PINX1: variants seen among roughly 807,000 people sequenced by gnomAD.
The protein encoded by PINX1 is PIN2 (TERF1) interacting telomerase inhibitor 1.
Under a neutral mutation model 25.4 loss-of-function variants are expected in PINX1, and 34 were observed. The observed-to-expected ratio is 1.34, with a 90% CI of 1.02 to 1.78. The LOEUF (loss-of-function observed/expected upper bound fraction) is 1.78. Ranked by LOEUF, PINX1 falls within the 40% of genes most tolerant of loss-of-function variation. The probability of loss-of-function intolerance (pLI) is 0.00; values close to 1 mark genes in which losing one functional copy is unlikely to be tolerated. For synonymous variants in PINX1, 197 were observed against 147.7 expected (o/e 1.33, Z -2.42); for missense variants, 592 against 404.9 (o/e 1.46, Z -3.97).
chr8:10,765,485 C>G lies in PINX1; in HGVS notation c.903G>C (p.Lys301Asn), dbSNP rs1001223213. The G allele has an allele frequency of 2.5e-6, 4 of 1,613,554 alleles. No homozygotes were observed. The highest frequency in any genetic ancestry group is 2.5e-6 in the Non-Finnish European group (3 of 1,179,878). ...LKPKKRRGKK[K>N]LQKPVEIAED... ...CTGCTATCTCTACTGGTTTTTGCAG[C>G]TTTTTCTTCCCTCTCCTCTTTTTGG... Residue 301 changes from lysine (K) to asparagine (N), a missense_variant, in exon 7 of 7, where the codon AAG becomes AAC. Coordinates refer to ENST00000314787, the MANE Select transcript of PINX1 (RefSeq NM_017884.6).
chr8:10,769,216 G>A (rs1471482631), intron 6 of PINX1, among the ~76,000 whole-genome samples: 1 of 152,080 alleles, frequency 6.6e-6, no homozygotes, highest in Non-Finnish European at 1.5e-5. Flanking sequence ...AAATTCCAAT[G>A]CTTGCTGTTC....
intron 6 of PINX1, among the ~76,000 whole-genome samples, chr8:10,768,959 C>T (rs1250053993): frequency 1.3e-5 from 2 of 152,154 alleles, no homozygotes; most frequent in Non-Finnish European, 2.9e-5. Flanking sequence ...CATTTTCCCA[C>T]ATTTCCATTA....
At chr8:10,771,049 T>A (rs967288451) in intron 6 of PINX1, 7 of 152,202 alleles carry the variant, frequency 4.6e-5, no homozygotes, top group African/African-American at 1.7e-4. Context: ...ACAGCCTGTC[T>A]GTCATCAGCC....
chr8:10,803,836 C>G (rs905611180), intron 6 of PINX1, among the ~76,000 whole-genome samples: 5 of 152,180 alleles, frequency 3.3e-5, no homozygotes, highest in African/African-American at 1.2e-4. Context: ...TTTTGTATAA[C>G]TCTTAGTATA....
chr8:10,808,337 C>T (rs714370), intron 6 of PINX1, among the ~76,000 whole-genome samples: 24,376 of 152,142 alleles, frequency 0.16, 2,449 homozygotes, highest in Non-Finnish European at 0.23. Context: ...ATTGAAAGTG[C>T]TGTAGGGAGG....
intron 6 of PINX1, among the ~76,000 whole-genome samples, chr8:10,780,386 T>C (rs1030691202): frequency 6.6e-6 from 1 of 152,180 alleles, no homozygotes; most frequent in African/African-American, 2.4e-5. Flanking sequence ...TTGAGAAATT[T>C]TCTTTCTGTA....
At chr8:10,782,923 A>G (rs1353512535) in intron 6 of PINX1, among the ~76,000 whole-genome samples, 1 of 152,242 alleles carries the variant, frequency 6.6e-6, no homozygotes, top group South Asian at 2.1e-4. Flanking sequence ...ATTGCTAAAT[A>G]AAGGATATAA....
intron 6 of PINX1, among the ~76,000 whole-genome samples, chr8:10,800,355 T>A (rs937067035): frequency 1.3e-5 from 2 of 152,212 alleles, no homozygotes; most frequent in African/African-American, 2.4e-5. Context: ...CAATGATAAT[T>A]ATTTTGCGAT....
At chr8:10,794,912 G>T in intron 6 of PINX1, among the ~76,000 whole-genome samples, 1 of 152,146 alleles carries the variant, frequency 6.6e-6, no homozygotes. Context: ...TTTATTCAGG[G>T]CAAGCTTCCC....
At chr8:10,766,000 C>T in intron 6 of PINX1, 84 bp from the exon 7 acceptor site, 1 of 1,376,340 alleles carries the variant, frequency 7.3e-7, no homozygotes, top group Non-Finnish European at 1.0e-6. Context: ...ACACCCGGCG[C>T]TCACACCTGG....
At chr8:10,834,940 C>A (rs1419848609) in intron 1 of PINX1, among the ~76,000 whole-genome samples, 165 bp from the exon 2 acceptor site, 1 of 152,210 alleles carries the variant, frequency 6.6e-6, no homozygotes, top group East Asian at 1.9e-4. Context: ...TAGACTGGAT[C>A]ATTTATCCTG....
chr8:10,825,757 G>T (rs1019353369), intron 5 of PINX1, among the ~76,000 whole-genome samples: 1 of 152,162 alleles, frequency 6.6e-6, no homozygotes, highest in East Asian at 1.9e-4. Flanking sequence ...CTAACCTGGC[G>T]TATTAAAAGC....
chr8:10,793,138 G>A (rs946659082), intron 6 of PINX1, among the ~76,000 whole-genome samples: 13 of 152,152 alleles, frequency 8.5e-5, no homozygotes, highest in African/African-American at 2.9e-4. Context: ...ATGATCTTCC[G>A]CTTGAGGTGC....
chr8:10,834,767 TC>T lies in PINX1; in HGVS notation c.27del (p.Lys10SerfsTer25). ...TGAGGATCCACAGCCCACTTCTGCT[TC>T]CGCCGACCTGTAAATGAAAAAGCAT... MSMLAERRRKQKWAVDPQN... is the reference protein window; with the variant it reads MSMLAERRXKQKWAVDPQN... On this transcript the variant is annotated frameshift_variant, in exon 2 of 7. Coordinates refer to ENST00000314787, the MANE Select transcript of PINX1 (RefSeq NM_017884.6). LOFTEE classifies it high-confidence loss of function. 1 of 1,611,482 alleles carries T rather than the reference TC, an allele frequency of 6.2e-7. No homozygotes were observed. Among genetic ancestry groups the T allele is most frequent in the Non-Finnish European group, 8.5e-7 (1 of 1,178,702 alleles).
chr8:10,823,057 GAGTC>G (rs901405674), intron 5 of PINX1, among the ~76,000 whole-genome samples: 1 of 152,170 alleles, frequency 6.6e-6, no homozygotes, highest in Non-Finnish European at 1.5e-5. Context: ...AAAGTGGAAA[GAGTC>G]AGTGTGAGTG....
chr8:10,813,570 AG>A (rs1375505746), intron 6 of PINX1, among the ~76,000 whole-genome samples: 1 of 152,202 alleles, frequency 6.6e-6, no homozygotes, highest in Non-Finnish European at 1.5e-5. Context: ...GAGACGAGAA[AG>A]GAACACAAAC....
At chr8:10,809,792 A>G (rs1381761876) in intron 6 of PINX1, among the ~76,000 whole-genome samples, 13 of 152,192 alleles carry the variant, frequency 8.5e-5, no homozygotes, top group Admixed American at 8.5e-4. Flanking sequence ...TATCATCACC[A>G]TCCTCGTTCA....
At chr8:10,785,747 A>G (rs1329636178) in intron 6 of PINX1, among the ~76,000 whole-genome samples, 2 of 152,238 alleles carry the variant, frequency 1.3e-5, no homozygotes, top group African/African-American at 4.8e-5. Flanking sequence ...TTAAGTACCC[A>G]GTATGTGGAG....
At chr8:10,822,555 G>C (rs1428135186) in intron 5 of PINX1, among the ~76,000 whole-genome samples, 1 of 152,174 alleles carries the variant, frequency 6.6e-6, no homozygotes, top group Non-Finnish European at 1.5e-5. Context: ...ATTTAGGTTT[G>C]CTTTAGCTGT....
Sources: gnomAD v4.1 joint callset for allele counts (sites outside exome capture counted in the v4.1 genomes callset) on GRCh38, gnomAD v4.1.1 for gene constraint, MANE v1.5 for transcripts, NCBI Gene and HGNC (gene_info 2026-07-23, HGNC 2026-07-21) for gene names.